The following PLEKHG4B variants were observed in gnomAD, a reference collection of about 807,000 sequenced individuals.
PLEKHG4B encodes the protein pleckstrin homology and RhoGEF domain containing G4B.
In PLEKHG4B, 111 loss-of-function variants were observed where a neutral mutation model predicts 121.3. The observed-to-expected ratio is 0.92, with a 90% CI of 0.78 to 1.07. PLEKHG4B has a LOEUF of 1.07. Ranked by LOEUF, PLEKHG4B falls within the 50% of genes least tolerant of loss-of-function variation. The probability of loss-of-function intolerance (pLI) is 0.00; values close to 1 mark genes in which losing one functional copy is unlikely to be tolerated. For missense variants in PLEKHG4B, 1,831 were observed against 1,757.8 expected, an observed-to-expected ratio of 1.04 and a Z score of -0.74; for synonymous variants, 738 against 725.0, an observed-to-expected ratio of 1.02 and a Z score of -0.29.
intron 7 of PLEKHG4B, among the ~76,000 whole-genome samples, chr5:154,230 T>C (rs1291697670): frequency 2.0e-5 from 3 of 152,128 alleles, no homozygotes; most frequent in Non-Finnish European, 4.4e-5. Flanking sequence ...ATCCTCGATC[T>C]CCTGACCTCA....
intron 1 of PLEKHG4B, among the ~76,000 whole-genome samples, chr5:107,712 G>A (rs1212010163): frequency 2.0e-5 from 3 of 152,210 alleles, no homozygotes; most frequent in African/African-American, 7.2e-5. Context: ...TGGTAGGCAT[G>A]TGTCAGTGAG....
rs933024302 is a variant in PLEKHG4B, at chr5:157,947, C to T, written c.2487+1036C>T. ...ACGGGGGCCTCCAGACAAAGACGTG[C>T]AGCAGGGACGCGAGGCACTGTGCAT... is the stretch of plus-strand genomic sequence containing the variant. On this transcript the variant is annotated intron_variant, in intron 11 of 19. Transcript: ENST00000637938. This position sits in a 1 kb window ranked among gnomAD's most constrained non-coding sequence, Gnocchi z 4.6. Among the ~76,000 whole-genome samples the T allele has an allele frequency of 6.6e-6, 1 of 152,162 alleles. No homozygotes were observed. Among genetic ancestry groups the T allele is most frequent in the African/African-American group, 2.4e-5 (1 of 41,438 alleles).
intron 1 of PLEKHG4B, among the ~76,000 whole-genome samples, chr5:95,550 G>A (rs1733606695): frequency 6.6e-6 from 1 of 152,170 alleles, no homozygotes; most frequent in Non-Finnish European, 1.5e-5. Context: ...GTAGTGCTCA[G>A]CAATCTGTCC....
intron 13 of PLEKHG4B, among the ~76,000 whole-genome samples, chr5:164,034 C>T (rs189069873): frequency 4.6e-5 from 7 of 152,384 alleles, no homozygotes; most frequent in East Asian, 3.9e-4. Context: ...TGGGCGCACT[C>T]GGCCCCTGCC....
intron 14 of PLEKHG4B, 102 bp downstream of exon 14, chr5:169,694 C>A: frequency 6.6e-7 from 1 of 1,514,718 alleles, no homozygotes; most frequent in Non-Finnish European, 8.9e-7. Context: ...GTTGGAATAG[C>A]TTCAGTCCAG....
In PLEKHG4B at chr5:162,767, T is replaced by C; in HGVS notation, c.2695T>C (p.Ser899Pro). 2 of 1,476,342 alleles carry C rather than the reference T, an allele frequency of 1.4e-6. No individual in the cohort carries two copies. Among genetic ancestry groups the C allele is most frequent in the Non-Finnish European group, 9.0e-7 (1 of 1,114,602 alleles). The allele number at this position is 1,476,342 out of a possible 1,614,324, so 91.5% of individuals were successfully genotyped here. ...GPLDPEACPS[S>P]PVAECLRSCH... ...CCTGGACCCGGAGGCTTGTCCCTCC[T>C]CACCCGTGGCTGAGTGTTTGAGGAG... is the stretch of plus-strand genomic sequence containing the variant. The change falls in exon 13 of 20, where the codon TCA becomes CCA. Residue 899 changes from serine to proline, a missense_variant. Transcript: ENST00000637938.
At chr5:142,427 C>T (rs961676314) in intron 3 of PLEKHG4B, among the ~76,000 whole-genome samples, 3 of 150,446 alleles carry the variant, frequency 2.0e-5, no homozygotes, top group East Asian at 1.9e-4. Flanking sequence ...ACACGATACA[C>T]GCGCGCACAG....
chr5:114,787 T>G (rs898029430), intron 2 of PLEKHG4B, among the ~76,000 whole-genome samples: 6 of 152,230 alleles, frequency 3.9e-5, no homozygotes, highest in African/African-American at 1.4e-4. Context: ...CATTCAAGAT[T>G]TATCCTGAGA....
At chr5:98,743 G>A (rs1733703760) in intron 1 of PLEKHG4B, among the ~76,000 whole-genome samples, 1 of 147,588 alleles carries the variant, frequency 6.8e-6, no homozygotes, top group East Asian at 2.0e-4. Flanking sequence ...AAAGTGCTGG[G>A]ATTACAGGCG....
Position 156,922 on chromosome 5 carries a change from C to T in PLEKHG4B, c.2487+11C>T. ...GAAGGGAATGACCAGGTCAGAGCTGCAGGAGGAAGGCGGCCCGGTCAGCAT... is the reference window on the plus strand; with the variant it reads ...GAAGGGAATGACCAGGTCAGAGCTGTAGGAGGAAGGCGGCCCGGTCAGCAT... On this transcript the variant is annotated intron_variant, in intron 11 of 19. Coordinates refer to ENST00000637938, the MANE Select transcript of PLEKHG4B (RefSeq NM_052909.5). This position sits in a 1 kb window ranked among gnomAD's most constrained non-coding sequence, Gnocchi z 4.4. 1.2e-6 allele frequency: 2 copies of T among 1,611,068 alleles called. No homozygotes were observed. Among genetic ancestry groups the T allele is most frequent in the Non-Finnish European group, 1.7e-6 (2 of 1,179,246 alleles).
At chr5:161,608 T>A (rs1194740235) in intron 11 of PLEKHG4B, among the ~76,000 whole-genome samples, 175 bp from the exon 12 acceptor site, 5 of 104,180 alleles carry the variant, frequency 4.8e-5, no homozygotes, top group Admixed American at 3.7e-4. Context: ...GGAAAAGAAC[T>A]AGAGAAATGC....
intron 2 of PLEKHG4B, among the ~76,000 whole-genome samples, chr5:131,938 T>C (rs11739015): frequency 0.18 from 27,779 of 152,026 alleles, 3,449 homozygotes; most frequent in African/African-American, 0.35. Flanking sequence ...TCTCAATTGA[T>C]GCAGAAAAAA....
At chr5:93,796 A>G (rs1315947270) in intron 1 of PLEKHG4B, among the ~76,000 whole-genome samples, 1 of 152,180 alleles carries the variant, frequency 6.6e-6, no homozygotes, top group Non-Finnish European at 1.5e-5. Flanking sequence ...GTTACTTGTA[A>G]AGTAGCCCAG....
Position 163,195 on chromosome 5 carries a change from G to C in PLEKHG4B, c.3123G>C (p.Arg1041Ser), listed in dbSNP as rs925023404. Residue 1041 changes from arginine to serine, a missense_variant, in exon 13 of 20, where the codon AGG becomes AGC. Transcript: ENST00000637938. ...CALWDPLSLL[R>S]GLPGAGATTA... The stretch of plus-strand genomic sequence containing the variant: ...TGTGGGACCCACTGTCCCTCCTCAG[G>C]GGCCTTCCAGGGGCAGGGGCCACCA... 1.3e-6 allele frequency: 2 copies of C among 1,585,784 alleles called. No homozygotes were observed. The highest frequency in any genetic ancestry group is 1.7e-5 in the Admixed American group (1 of 57,408).
rs202197330 is a variant in PLEKHG4B, at chr5:181,498, C to T, written c.4403-16C>T. 3.7e-6 allele frequency: 6 copies of T among 1,610,222 alleles called. No homozygotes were observed. The South Asian group carries it at 6.6e-5, about 18-fold the overall frequency. ...CCGAGTTGCTTTGGAAACTGTCATACTTTCTTCTGTCTTAGAACTCAGAAT... is the reference window on the plus strand; with the variant it reads ...CCGAGTTGCTTTGGAAACTGTCATATTTTCTTCTGTCTTAGAACTCAGAAT... On this transcript the variant is annotated splice_polypyrimidine_tract_variant and intron_variant, in intron 18 of 19. Transcript: ENST00000637938.
At chr5:170,029 T>A (rs1736492640) in intron 14 of PLEKHG4B, among the ~76,000 whole-genome samples, 1 of 152,228 alleles carries the variant, frequency 6.6e-6, no homozygotes, top group East Asian at 1.9e-4. Context: ...TTCTGAGAAT[T>A]CCCTGTGAGG....
rs377121679 is a variant in PLEKHG4B, at chr5:161,780, C to T, written c.2488-3C>T. On this transcript the variant is annotated splice_polypyrimidine_tract_variant and splice_region_variant and intron_variant, in intron 11 of 19. Transcript: ENST00000637938. The stretch of plus-strand genomic sequence containing the variant: ...GTACTGATGCTTTGTTCCTTGGGTA[C>T]AGCAATCCTGCCAGAAAGGACTACA... 2.5e-6 allele frequency: 4 copies of T among 1,613,414 alleles called. No homozygotes were observed. The African/African-American group carries it at 5.3e-5, about 22-fold the overall frequency.
Position 156,908 on chromosome 5 carries a change from C to A in PLEKHG4B, c.2484C>A (p.Asp828Glu), listed in dbSNP as rs1560936183. 6.2e-7 allele frequency: 1 copy of A among 1,611,752 alleles called. No homozygotes were observed. The highest frequency in any genetic ancestry group is 8.5e-7 in the Non-Finnish European group (1 of 1,179,382). The change falls in exon 11 of 20, where the codon GAC becomes GAA. Residue 828 changes from aspartate to glutamate, a missense_variant. Asp to Glu is a conservative substitution (Grantham distance 45, BLOSUM62 2). Coordinates refer to ENST00000637938, the MANE Select transcript of PLEKHG4B (RefSeq NM_052909.5). The surrounding 1 kb of genome is among the most constrained non-coding windows in gnomAD (Gnocchi z 4.4). ...TGGCGTCACTCCTGGAAGGGAATGA[C>A]CAGGTCAGAGCTGCAGGAGGAAGGC... is the stretch of plus-strand genomic sequence containing the variant. Reference protein sequence around the residue: ...RELASLLEGNDQQSCQKGLQL... With the variant: ...RELASLLEGNEQQSCQKGLQL...
At position 140,599 on chromosome 5, in the gene PLEKHG4B, G is replaced by T; in HGVS notation, c.1360G>T (p.Ala454Ser). 6.2e-7 allele frequency: 1 copy of T among 1,610,464 alleles called. No individual in the cohort carries two copies. Among genetic ancestry groups the T allele is most frequent in the South Asian group, 1.1e-5 (1 of 90,880 alleles). ...PRSSRGAQAA[A>S]CHTSHHSAGS... Reference sequence around the variant, plus strand: ...AAGCTCCAGAGGGGCCCAGGCTGCAGCCTGCCACACCTCCCACCACTCAGC... The same window carrying T: ...AAGCTCCAGAGGGGCCCAGGCTGCATCCTGCCACACCTCCCACCACTCAGC... The change falls in exon 3 of 20, where the codon GCC becomes TCC. Residue 454 changes from alanine to serine, a missense_variant. Ala to Ser is a moderately conservative substitution (Grantham distance 99). Coordinates refer to ENST00000637938, the MANE Select transcript of PLEKHG4B (RefSeq NM_052909.5).
Sources: allele counts gnomAD v4.1 joint callset (sites outside exome capture counted in the v4.1 genomes callset), GRCh38; gene constraint gnomAD v4.1.1; non-coding constraint Gnocchi (gnomAD v3.1); transcripts MANE v1.5; gene names NCBI Gene and HGNC (gene_info 2026-07-23, HGNC 2026-07-21).